Variants in ANKRD36C observed in about 807,000 individuals in gnomAD.
The protein encoded by ANKRD36C is ankyrin repeat domain 36C.
Under a neutral mutation model 276.4 loss-of-function variants are expected in ANKRD36C, and 61 were observed. The observed-to-expected ratio is 0.22, with a 90% confidence interval of 0.18 to 0.27. The LOEUF (loss-of-function observed/expected upper bound fraction) is 0.27. Ranked by LOEUF, ANKRD36C falls within the 10% of genes least tolerant of loss-of-function variation. The probability of loss-of-function intolerance (pLI) is 1.00; values close to 1 mark genes in which losing one functional copy is unlikely to be tolerated. For synonymous variants in ANKRD36C, 483 were observed against 680.1 expected, an observed-to-expected ratio of 0.71 and a Z score of 4.51; for missense variants, 1,447 against 2,032.3, an observed-to-expected ratio of 0.71 and a Z score of 5.54.
At chr2:95,974,753 A>G (rs1220022215) in intron 6 of ANKRD36C, among the ~76,000 whole-genome samples, 1 of 149,700 alleles carries the variant, frequency 6.7e-6, no homozygotes, top group Non-Finnish European at 1.5e-5. Flanking sequence ...GCTGCACCCA[A>G]TACCTCATCA....
intron 61 of ANKRD36C, among the ~76,000 whole-genome samples, chr2:95,857,936 T>A (rs1414616553): frequency 2.0e-5 from 3 of 151,450 alleles, no homozygotes; most frequent in Non-Finnish European, 4.4e-5. Flanking sequence ...TAAAACTTGG[T>A]TTCCACAATC....
At chr2:95,964,893 G>A (rs1234184150) in intron 6 of ANKRD36C, among the ~76,000 whole-genome samples, 1 of 151,920 alleles carries the variant, frequency 6.6e-6, no homozygotes, top group Non-Finnish European at 1.5e-5. Flanking sequence ...AAACCACTAT[G>A]TCTATGCCTT....
chr2:95,990,726 C>T (rs1679121421), intron 1 of ANKRD36C, among the ~76,000 whole-genome samples: 1 of 151,896 alleles, frequency 6.6e-6, no homozygotes, highest in Admixed American at 6.6e-5. Flanking sequence ...CTCTAAGGTC[C>T]CTCAGTGAAA....
chr2:95,912,140 T>C (rs1676947362), intron 42 of ANKRD36C, 104 bp downstream of exon 44: 2 of 1,454,710 alleles, frequency 1.4e-6, no homozygotes, highest in Admixed American at 2.0e-5. Flanking sequence ...TCAGGCCTGC[T>C]GAATCAGAAT....
At position 95,891,584 on chromosome 2, in the gene ANKRD36C, A is replaced by AC. The variant is rs900364210; in HGVS notation, c.2857+80dup. The AC allele has an allele frequency of 7.0e-4, 1,027 of 1,473,258 alleles. 36 individuals are homozygous for AC. Among genetic ancestry groups the AC allele is most frequent in the Non-Finnish European group, 1.2e-4 (134 of 1,093,442 alleles). 91.3% of individuals were successfully genotyped at this position (1,473,258 alleles called of 1,614,324 possible). A position where few individuals can be genotyped will look rare whatever the true frequency, so the allele number is the denominator to read the frequency against. ...GTATCAGAATGTGCAGCTTCAACGA[A>AC]CCCCCCGCTGATTTATTCAGGGAAG... On this transcript the variant is annotated intron_variant, in intron 46 of 66. Coordinates refer to ENST00000456556, the Ensembl canonical transcript of ANKRD36C.
At position 95,919,798 on chromosome 2, in the gene ANKRD36C, G is replaced by T. The variant is rs112464761; in HGVS notation, c.2246-1756C>A. On this transcript the variant is annotated intron_variant, in intron 34 of 66. Transcript: ENST00000456556. The stretch of plus-strand genomic sequence containing the variant: ...ATTCAAAACAGAATCTTCCTCGTCA[G>T]TTGTAGCCTGAATGGAATTTGAAAG... 363 of 1,412,824 alleles carry T rather than the reference G, an allele frequency of 2.6e-4. 52 individuals are homozygous for T. In the African/African-American group the frequency reaches 4.8e-3, roughly 19 times the overall value. The allele number at this position is 1,412,824 out of a possible 1,614,324, so 87.5% of individuals were successfully genotyped here. A position where few individuals can be genotyped will look rare whatever the true frequency, so the allele number is the denominator to read the frequency against.
intron 54 of ANKRD36C, among the ~76,000 whole-genome samples, chr2:95,883,128 T>G (rs976301746): frequency 6.6e-6 from 1 of 152,076 alleles, no homozygotes; most frequent in Non-Finnish European, 1.5e-5. Context: ...CTCTAGTTTA[T>G]GCTACAGAAA....
rs371015810 is a variant in ANKRD36C, at chr2:95,866,021, G to C, written c.3682+1419C>G. Among the ~76,000 whole-genome samples, 476 of 152,170 alleles carry C rather than the reference G, an allele frequency of 3.1e-3. 24 individuals carry two copies. The East Asian group carries it at 0.083, about 26-fold the overall frequency. ...AGCTTATGACTGACAAAGGCAGGAT[G>C]GCAATGCAGTGGAGAAAGGATAGCC... is the stretch of plus-strand genomic sequence containing the variant. On this transcript the variant is annotated intron_variant, in intron 60 of 66. Transcript: ENST00000456556.
At chr2:95,932,831 T>C (rs199528835) in intron 24 of ANKRD36C, among the ~76,000 whole-genome samples, 3,861 of 112,154 alleles carry the variant, frequency 0.034, no homozygotes, top group East Asian at 0.06. Context: ...TTTTGGTGTT[T>C]TAGTCATGAA....
At chr2:95,978,740 A>G (rs1678860636) in intron 5 of ANKRD36C, among the ~76,000 whole-genome samples, 1 of 151,946 alleles carries the variant, frequency 6.6e-6, no homozygotes, top group Non-Finnish European at 1.5e-5. Flanking sequence ...TTAAGTCCTA[A>G]TTTTGCTTAT....
At chr2:95,960,614 C>G in intron 9 of ANKRD36C, 25 bp downstream of exon 9, 2 of 1,365,754 alleles carry the variant, frequency 1.5e-6, no homozygotes, top group Non-Finnish European at 2.0e-6. Flanking sequence ...GTTAATTATT[C>G]AAAATATGAA....
intron 32 of ANKRD36C, among the ~76,000 whole-genome samples, chr2:95,922,389 T>C (rs562397099): frequency 6.6e-6 from 1 of 151,752 alleles, no homozygotes; most frequent in South Asian, 2.1e-4. Flanking sequence ...TTATTTCTCA[T>C]ATCCATGTGG....
intron 6 of ANKRD36C, among the ~76,000 whole-genome samples, chr2:95,973,343 CAG>C (rs1350258886): frequency 1.3e-5 from 2 of 151,438 alleles, no homozygotes; most frequent in African/African-American, 4.9e-5. Flanking sequence ...ACCCAGGAGG[CAG>C]AGTTTGCAGT....
At chr2:95,976,851 C>A (rs1678819726) in intron 6 of ANKRD36C, among the ~76,000 whole-genome samples, 1 of 151,906 alleles carries the variant, frequency 6.6e-6, no homozygotes, top group African/African-American at 2.4e-5. Flanking sequence ...CCTTAAAATT[C>A]TCACTTTTTT....
At chr2:95,872,361 C>A (rs890918642) in intron 59 of ANKRD36C, among the ~76,000 whole-genome samples, 14 of 151,248 alleles carry the variant, frequency 9.3e-5, no homozygotes, top group African/African-American at 1.2e-4. Context: ...GATTAAGAAA[C>A]TCACTCAAAA....
At chr2:95,889,503 A>C (rs1410143484) in intron 48 of ANKRD36C, among the ~76,000 whole-genome samples, 1 of 151,494 alleles carries the variant, frequency 6.6e-6, no homozygotes, top group Non-Finnish European at 1.5e-5. Context: ...CTTGATGAAA[A>C]CATGCTGTAG....
At chr2:95,903,171 C>A in intron 42 of ANKRD36C, 90 bp from the exon 53 acceptor site, 1 of 1,518,168 alleles carries the variant, frequency 6.6e-7, no homozygotes. Context: ...AACCTCTGTC[C>A]TCCTGCCTGT....
intron 17 of ANKRD36C, among the ~76,000 whole-genome samples, chr2:95,948,201 A>T (rs1678103793): frequency 6.6e-6 from 1 of 152,188 alleles, no homozygotes; most frequent in African/African-American, 2.4e-5. Flanking sequence ...CAGAGTAAAA[A>T]CACTTACTCA....
At chr2:95,948,997 C>A (rs1678128107) in intron 16 of ANKRD36C, among the ~76,000 whole-genome samples, 1 of 152,046 alleles carries the variant, frequency 6.6e-6, no homozygotes, top group Non-Finnish European at 1.5e-5. Flanking sequence ...AACCTGATAA[C>A]CTAAAACAAG....
Sources: allele counts gnomAD v4.1 joint callset (sites outside exome capture counted in the v4.1 genomes callset), GRCh38; gene constraint gnomAD v4.1.1; transcripts MANE v1.5; gene names NCBI Gene and HGNC (gene_info 2026-07-23, HGNC 2026-07-21).